EXT2: variants seen among roughly 807,000 people sequenced by gnomAD.
EXT2 encodes the protein exostosin-2.
A neutral mutation model predicts 81.6 loss-of-function variants in EXT2; 53 were observed. The ratio of observed to expected loss-of-function variants is 0.65; its 90% CI spans 0.52 to 0.82. The LOEUF is 0.82. Among genes scored for constraint, EXT2 ranks in the 40% least tolerant of loss-of-function variants. The probability of loss-of-function intolerance (pLI) is 0.00; values close to 1 mark genes in which losing one functional copy is unlikely to be tolerated. For synonymous variants in EXT2, 320 were observed against 340.0 expected (o/e 0.94, Z 0.65); for missense variants, 774 against 910.2 (o/e 0.85, Z 1.93).
intron 8 of EXT2, among the ~76,000 whole-genome samples, chr11:44,181,933 C>T (rs769679617): frequency 2.0e-5 from 3 of 152,164 alleles, no homozygotes; most frequent in Admixed American, 6.5e-5. Context: ...CAATGGGCTC[C>T]ACTTAGGTTA....
chr11:44,145,167 T>C (rs1456429095), intron 7 of EXT2, among the ~76,000 whole-genome samples: 1 of 152,120 alleles, frequency 6.6e-6, no homozygotes, highest in East Asian at 1.9e-4. Flanking sequence ...ACTGTTGGTA[T>C]TTAGAAGCAA....
chr11:44,225,829 A>G (rs1955832846), intron 10 of EXT2, among the ~76,000 whole-genome samples: 1 of 152,164 alleles, frequency 6.6e-6, no homozygotes, highest in Non-Finnish European at 1.5e-5. Flanking sequence ...GAACTGGACC[A>G]AGTCACCTCT....
At chr11:44,147,539 C>T (rs1321600017) in intron 7 of EXT2, among the ~76,000 whole-genome samples, 1 of 151,806 alleles carries the variant, frequency 6.6e-6, no homozygotes, top group Non-Finnish European at 1.5e-5. Flanking sequence ...TGGGCTAGGC[C>T]TGGGCAGGAA....
intron 10 of EXT2, among the ~76,000 whole-genome samples, chr11:44,227,487 A>G (rs1028428833): frequency 1.3e-5 from 2 of 152,202 alleles, no homozygotes; most frequent in Non-Finnish European, 2.9e-5. Flanking sequence ...TGGAAGCAAG[A>G]CACCTTGAAT....
chr11:44,203,816 G>A (rs1226638205), intron 9 of EXT2, among the ~76,000 whole-genome samples: 3 of 152,194 alleles, frequency 2.0e-5, no homozygotes, highest in Admixed American at 6.5e-5. Flanking sequence ...ACCCCCATGC[G>A]CTGCACTGGC....
At chr11:44,221,076 CATCCA>C (rs1287903469) in intron 10 of EXT2, among the ~76,000 whole-genome samples, 1 of 152,152 alleles carries the variant, frequency 6.6e-6, no homozygotes, top group Non-Finnish European at 1.5e-5. Context: ...ATTAATGAAA[CATCCA>C]ATGTAGAACT....
At chr11:44,224,370 TTATTAGATATATGTGTACATA>T (rs1295095938) in intron 10 of EXT2, among the ~76,000 whole-genome samples, 4 of 152,126 alleles carry the variant, frequency 2.6e-5, no homozygotes, top group African/African-American at 7.2e-5. Context: ...ATATCTATAT[TTATTAGATATATGTGTACATA>T]TATTAGATAT....
chr11:44,147,241 C>T (rs1391935637), intron 7 of EXT2, among the ~76,000 whole-genome samples: 3 of 152,052 alleles, frequency 2.0e-5, no homozygotes, highest in Non-Finnish European at 4.4e-5. Context: ...TTTTAAAAAC[C>T]TTTTTTAAAA....
At chr11:44,118,545 A>G (rs1280300388) in intron 4 of EXT2, among the ~76,000 whole-genome samples, 1 of 152,170 alleles carries the variant, frequency 6.6e-6, no homozygotes, top group Non-Finnish European at 1.5e-5. Context: ...TCATTAGTCC[A>G]CTAAATAGAA....
intron 8 of EXT2, among the ~76,000 whole-genome samples, chr11:44,175,559 C>T (rs181441199): frequency 2.0e-4 from 31 of 152,262 alleles, no homozygotes; most frequent in East Asian, 1.9e-3. Context: ...CAGGCTTCAG[C>T]AGCTGGCTGG....
chr11:44,183,258 A>G (rs577991364), intron 8 of EXT2, among the ~76,000 whole-genome samples: 37 of 152,282 alleles, frequency 2.4e-4, no homozygotes, highest in South Asian at 1.5e-3. Context: ...CTTGTGGGGT[A>G]CTACTTTGAG....
At chr11:44,161,125 A>C (rs1370508995) in intron 7 of EXT2, among the ~76,000 whole-genome samples, 1 of 152,230 alleles carries the variant, frequency 6.6e-6, no homozygotes, top group Admixed American at 6.5e-5. Context: ...AGTAGATTTC[A>C]TCTCTAAGAT....
At chr11:44,148,682 G>T (rs1446988498) in intron 7 of EXT2, among the ~76,000 whole-genome samples, 1 of 152,182 alleles carries the variant, frequency 6.6e-6, no homozygotes, top group African/African-American at 2.4e-5. Context: ...TTAATCAACA[G>T]ATATTTATTG....
At chr11:44,109,889 C>T (rs1053820894) in intron 3 of EXT2, among the ~76,000 whole-genome samples, 1 of 152,174 alleles carries the variant, frequency 6.6e-6, no homozygotes, top group East Asian at 1.9e-4. Flanking sequence ...CTGTATTTAT[C>T]TGCCCTTTCA....
chr11:44,214,096 T>C (rs1053213181), intron 10 of EXT2, among the ~76,000 whole-genome samples: 13 of 149,726 alleles, frequency 8.7e-5, no homozygotes, highest in African/African-American at 3.2e-4. Flanking sequence ...CCATAGGTGA[T>C]ATTTGTAACT....
At position 44,108,008 on chromosome 11, in the gene EXT2, A is replaced by T. The variant is rs147587178; in HGVS notation, c.296A>T (p.Asn99Ile). The T allele has an allele frequency of 4.3e-5, 69 of 1,614,060 alleles. No homozygotes were observed. The highest frequency in any genetic ancestry group is 5.5e-5 in the Non-Finnish European group (65 of 1,180,028). ...TTTGATGTCTATCGCTGTGGCTTCA[A>T]CCCAAAGAACAAAATCAAGGTGTAT... ...TCFDVYRCGF[N>I]PKNKIKVYIY... Residue 99 changes from asparagine to isoleucine, a missense_variant, in exon 2 of 14, where the codon AAC becomes ATC. By Grantham distance (149) the Asn-to-Ile change is moderately radical (BLOSUM62 -3). This residue lies in a region of EXT2 where 626 missense variants were observed against 670.5 expected (regional missense o/e 0.93). Transcript: ENST00000533608.
chr11:44,116,115 A>G (rs1039847517), intron 4 of EXT2: 5 of 152,204 alleles, frequency 3.3e-5, no homozygotes, highest in Non-Finnish European at 7.3e-5. Flanking sequence ...CAGGCCTACT[A>G]CCTAATTCTA....
At chr11:44,234,312 T>G (rs1377376115) in intron 12 of EXT2, 69 bp downstream of exon 12, 3 of 1,474,000 alleles carry the variant, frequency 2.0e-6, no homozygotes, top group Non-Finnish European at 2.8e-6. Flanking sequence ...CCTAGGAAGT[T>G]CTTGTAACTA....
chr11:44,190,943 A>T (rs1333004052), intron 8 of EXT2, among the ~76,000 whole-genome samples: 1 of 152,176 alleles, frequency 6.6e-6, no homozygotes, highest in Admixed American at 6.5e-5. Context: ...CCAAAGGCAC[A>T]ACTAGTTGCT....
Sources: gnomAD v4.1 joint callset for allele counts (sites outside exome capture counted in the v4.1 genomes callset) on GRCh38, gnomAD v4.1.1 for gene constraint, gnomAD v4.1.1 regional missense constraint, MANE v1.5 for transcripts, NCBI Gene and HGNC (gene_info 2026-07-23, HGNC 2026-07-21) for gene names.